RABGAP1L: variants seen among roughly 807,000 people sequenced by gnomAD.
The protein encoded by RABGAP1L is RAB GTPase activating protein 1 like, also known as rab GTPase-activating protein 1-like.
In RABGAP1L, 63 loss-of-function variants were observed where a neutral mutation model predicts 137.7. The ratio of observed to expected loss-of-function variants is 0.46; its 90% CI spans 0.37 to 0.56. The LOEUF is 0.56. RABGAP1L is among the 20% of genes least tolerant of loss of function. RABGAP1L has a pLI of 0.00. For synonymous variants in RABGAP1L, 431 were observed against 433.7 expected (o/e 0.99, Z 0.08); for missense variants, 1,095 against 1,244.0 (o/e 0.88, Z 1.80).
intron 19 of RABGAP1L, among the ~76,000 whole-genome samples, chr1:174,838,298 A>C (rs555109262): frequency 6.6e-6 from 1 of 152,316 alleles, no homozygotes; most frequent in African/African-American, 2.4e-5. Context: ...GGATAGGTGA[A>C]ATCTAGGAGT....
At chr1:174,222,617 G>C (rs1000398227) in intron 3 of RABGAP1L, among the ~76,000 whole-genome samples, 7 of 152,130 alleles carry the variant, frequency 4.6e-5, no homozygotes, top group African/African-American at 1.7e-4. Context: ...ATCTATCAAA[G>C]TCTTATGTTT....
chr1:174,832,731 CT>C (rs957995195), intron 19 of RABGAP1L, among the ~76,000 whole-genome samples: 4 of 152,228 alleles, frequency 2.6e-5, no homozygotes, highest in African/African-American at 9.6e-5. Flanking sequence ...GTGTTCATGA[CT>C]TTTGCTGGCA....
At chr1:174,896,965 A>C in intron 19 of RABGAP1L, 1 of 152,250 alleles carries the variant, frequency 6.6e-6, no homozygotes, top group East Asian at 1.9e-4. Context: ...AGTTTTTTCC[A>C]ATTCTGTGAA....
At chr1:174,762,286 C>G (rs894704294) in intron 18 of RABGAP1L, among the ~76,000 whole-genome samples, 1 of 152,196 alleles carries the variant, frequency 6.6e-6, no homozygotes, top group Non-Finnish European at 1.5e-5. Context: ...CCCCTTCCCT[C>G]CCTCTCATTT....
intron 18 of RABGAP1L, among the ~76,000 whole-genome samples, chr1:174,774,976 A>G (rs1686413734): frequency 6.6e-6 from 1 of 152,222 alleles, no homozygotes; most frequent in Admixed American, 6.5e-5. Flanking sequence ...TGGCCCCAAA[A>G]GGCAGATAGC....
chr1:174,731,587 T>C (rs532166287), intron 17 of RABGAP1L, among the ~76,000 whole-genome samples: 1 of 152,376 alleles, frequency 6.6e-6, no homozygotes, highest in Admixed American at 6.5e-5. Context: ...AACCCTGTTA[T>C]ACCCTGGAAC....
chr1:174,786,991 G>A (rs1181480509), intron 18 of RABGAP1L, among the ~76,000 whole-genome samples: 1 of 152,208 alleles, frequency 6.6e-6, no homozygotes, highest in Non-Finnish European at 1.5e-5. Context: ...GTTTCACTGG[G>A]AAGTAGGGGA....
intron 13 of RABGAP1L, among the ~76,000 whole-genome samples, chr1:174,629,119 GT>G (rs1482005560): frequency 6.6e-6 from 1 of 152,116 alleles, no homozygotes; most frequent in East Asian, 1.9e-4. Flanking sequence ...AGAATGTTAG[GT>G]TTTGTAACTT....
intron 3 of RABGAP1L, among the ~76,000 whole-genome samples, chr1:174,226,371 C>T (rs867540006): frequency 2.6e-5 from 4 of 152,222 alleles, no homozygotes; most frequent in Middle Eastern, 3.4e-3. Context: ...GACCAGCCTG[C>T]GCAACATAGC....
intron 19 of RABGAP1L, among the ~76,000 whole-genome samples, chr1:174,882,548 AT>A (rs1654408704): frequency 6.6e-6 from 1 of 152,202 alleles, no homozygotes; most frequent in South Asian, 2.1e-4. Flanking sequence ...AAAGGCTTTA[AT>A]TGTTTATGAC....
intron 19 of RABGAP1L, among the ~76,000 whole-genome samples, chr1:174,915,645 T>C (rs2901862): frequency 2.0e-5 from 3 of 152,112 alleles, no homozygotes; most frequent in African/African-American, 7.2e-5. Flanking sequence ...TTAGTAGAGA[T>C]GGGGTTTCAC....
At chr1:174,227,261 C>T (rs1194110221) in intron 3 of RABGAP1L, among the ~76,000 whole-genome samples, 2 of 147,598 alleles carry the variant, frequency 1.4e-5, no homozygotes, top group Non-Finnish European at 3.0e-5. Flanking sequence ...AGTGCAATGG[C>T]ACGATCTCAG....
rs145376850 is a variant in RABGAP1L, at chr1:174,725,737, A to G, written c.2169+23481A>G. On this transcript the variant is annotated intron_variant, in intron 17 of 25. Transcript: ENST00000681986. ...AAAAGGAAGGGCTCGTTTATACTGT[A>G]ACAGTGTTTTTATTTAGCATGCCTC... Among the ~76,000 whole-genome samples, 10 of 152,188 alleles carry G rather than the reference A, an allele frequency of 6.6e-5. No individual in the cohort carries two copies. In the East Asian group the frequency reaches 1.9e-3, roughly 29 times the overall value.
intron 13 of RABGAP1L, among the ~76,000 whole-genome samples, chr1:174,528,746 C>G (rs1428128036): frequency 1.3e-5 from 2 of 151,906 alleles, no homozygotes; most frequent in Non-Finnish European, 2.9e-5. Flanking sequence ...ATCTGGATTT[C>G]TAAATATCTT....
chr1:174,949,994 A>G (rs1389635732), intron 19 of RABGAP1L, among the ~76,000 whole-genome samples: 2 of 152,198 alleles, frequency 1.3e-5, no homozygotes, highest in Non-Finnish European at 2.9e-5. Flanking sequence ...TAAGCCACAA[A>G]CATTGGAAAG....
At chr1:174,393,002 A>G (rs553815160) in intron 12 of RABGAP1L, among the ~76,000 whole-genome samples, 2 of 152,238 alleles carry the variant, frequency 1.3e-5, no homozygotes, top group Non-Finnish European at 2.9e-5. Flanking sequence ...AAAAGATGAC[A>G]AATGAAATTG....
intron 19 of RABGAP1L, among the ~76,000 whole-genome samples, chr1:174,943,159 A>AGGTGTGGTTGGT (rs1666173981): frequency 6.6e-6 from 1 of 152,148 alleles, no homozygotes; most frequent in African/African-American, 2.4e-5. Context: ...TCCCTTAAAC[A>AGGTGTGGTTGGT]TGCATCCTTT....
intron 10 of RABGAP1L, among the ~76,000 whole-genome samples, chr1:174,288,853 G>A (rs1005057502): frequency 4.6e-5 from 7 of 151,948 alleles, no homozygotes; most frequent in Non-Finnish European, 8.8e-5. Context: ...TGTTTTGCTC[G>A]ATGGTGTTCC....
intron 13 of RABGAP1L, among the ~76,000 whole-genome samples, chr1:174,476,948 A>G (rs1223784152): frequency 1.3e-5 from 2 of 152,146 alleles, no homozygotes; most frequent in Admixed American, 6.6e-5. Context: ...GAAGACGTTC[A>G]TGTGTTCTTC....
Sources: allele counts gnomAD v4.1 joint callset (sites outside exome capture counted in the v4.1 genomes callset), GRCh38; gene constraint gnomAD v4.1.1; transcripts MANE v1.5; gene names NCBI Gene and HGNC (gene_info 2026-07-23, HGNC 2026-07-21).